SPAG16: variants seen among roughly 807,000 people sequenced by gnomAD.
The protein encoded by SPAG16 is sperm associated antigen 16, also known as sperm-associated antigen 16 protein.
SPAG16 carries 86 observed loss-of-function variants against 80.4 expected under a neutral mutation model. The ratio of observed to expected loss-of-function variants is 1.07; its 90% CI spans 0.90 to 1.28. The LOEUF is 1.28. SPAG16 is among the 50% of genes most tolerant of loss of function. SPAG16 has a pLI of 0.00. For synonymous variants in SPAG16, 294 were observed against 265.9 expected, an observed-to-expected ratio of 1.11 and a Z score of -1.03; for missense variants, 870 against 765.3, an observed-to-expected ratio of 1.14 and a Z score of -1.61.
At chr2:214,057,072 C>T (rs553491635) in intron 13 of SPAG16, among the ~76,000 whole-genome samples, 1 of 152,218 alleles carries the variant, frequency 6.6e-6, no homozygotes, top group East Asian at 1.9e-4. Context: ...TTCTCAAAGA[C>T]ATCCATGAAA....
intron 7 of SPAG16, among the ~76,000 whole-genome samples, chr2:213,361,015 T>G (rs2065948886): frequency 6.6e-6 from 1 of 152,110 alleles, no homozygotes; most frequent in Non-Finnish European, 1.5e-5. Context: ...ACCTATACCT[T>G]GCATAAAGAA....
At chr2:213,626,646 T>G (rs2061971665) in intron 10 of SPAG16, among the ~76,000 whole-genome samples, 1 of 140,048 alleles carries the variant, frequency 7.1e-6, no homozygotes, top group African/African-American at 2.8e-5. Context: ...GCTCAATTTT[T>G]TTTTTTTTTT....
At chr2:213,955,306 T>C (rs1192692266) in intron 12 of SPAG16, among the ~76,000 whole-genome samples, 5 of 152,192 alleles carry the variant, frequency 3.3e-5, no homozygotes. Flanking sequence ...TTTTATGATT[T>C]TGACCTTTAA....
chr2:213,542,786 C>T (rs2076493178), intron 10 of SPAG16, among the ~76,000 whole-genome samples: 1 of 151,766 alleles, frequency 6.6e-6, no homozygotes, highest in South Asian at 2.1e-4. Context: ...TTAGTTTGCT[C>T]AATGCTATAT....
intron 15 of SPAG16, among the ~76,000 whole-genome samples, chr2:214,291,611 A>G (rs1021667677): frequency 1.8e-4 from 27 of 152,212 alleles, no homozygotes; most frequent in African/African-American, 5.1e-4. Flanking sequence ...GGCCTAGATC[A>G]TGTTTCTTTA....
chr2:213,665,341 A>T (rs1015901586), intron 10 of SPAG16, among the ~76,000 whole-genome samples: 1 of 152,100 alleles, frequency 6.6e-6, no homozygotes, highest in African/African-American at 2.4e-5. Flanking sequence ...TTTAATAGCT[A>T]TTATGATATT....
In SPAG16 at chr2:213,370,751, G is replaced by T. The variant is rs147053744; in HGVS notation, c.833-4259G>T. On this transcript the variant is annotated intron_variant, in intron 8 of 15. Coordinates refer to ENST00000331683, the MANE Select transcript of SPAG16 (RefSeq NM_024532.5). ...AACTCCCTTATGAAATTATCTCCTG[G>T]TGTTTAGTCTAATTCATACAAGAAC... Among the ~76,000 whole-genome samples, 566 of 152,218 alleles carry T rather than the reference G, an allele frequency of 3.7e-3. 9 individuals are homozygous for T. Among genetic ancestry groups the T allele is most frequent in the Middle Eastern group, 0.024 (7 of 294 alleles).
chr2:214,206,638 G>C (rs972176066), intron 15 of SPAG16, among the ~76,000 whole-genome samples: 2 of 152,130 alleles, frequency 1.3e-5, no homozygotes, highest in Admixed American at 6.6e-5. Context: ...CATATACCCA[G>C]CAGTGAGATT....
At chr2:213,986,602 CAATT>C (rs1214415063) in intron 12 of SPAG16, among the ~76,000 whole-genome samples, 1 of 151,696 alleles carries the variant, frequency 6.6e-6, no homozygotes, top group Non-Finnish European at 1.5e-5. Flanking sequence ...TACAAAGAAA[CAATT>C]AAAATGATTT....
chr2:213,540,993 G>C (rs535167562), intron 10 of SPAG16, among the ~76,000 whole-genome samples: 2 of 152,254 alleles, frequency 1.3e-5, no homozygotes, highest in South Asian at 4.1e-4. Flanking sequence ...AGGTGCACTC[G>C]TAGAGTTACA....
chr2:214,410,348 C>CT lies in SPAG16; in HGVS notation c.*36dup, dbSNP rs1702231069. On this transcript the variant is annotated 3_prime_UTR_variant, in exon 16 of 16. Transcript: ENST00000331683. ...CACATCCCGCTGCAGAGGGCATTCC[C>CT]TTTAAGGCTTGAAAATGCCTCCTGT... 1 of 1,550,958 alleles carries CT rather than the reference C, an allele frequency of 6.4e-7. No homozygotes were observed. The highest frequency in any genetic ancestry group is 1.4e-5 in the African/African-American group (1 of 73,420).
intron 9 of SPAG16, among the ~76,000 whole-genome samples, chr2:213,447,730 T>C (rs1453353114): frequency 6.6e-6 from 1 of 152,228 alleles, no homozygotes; most frequent in Non-Finnish European, 1.5e-5. Flanking sequence ...GTGCTGTTAG[T>C]AGGAAATAGC....
At chr2:214,377,258 T>A (rs935592203) in intron 15 of SPAG16, among the ~76,000 whole-genome samples, 3 of 152,212 alleles carry the variant, frequency 2.0e-5, no homozygotes, top group Non-Finnish European at 4.4e-5. Context: ...TTCTGCAATA[T>A]CGTAAACCTT....
chr2:213,693,258 C>G (rs1335453769), intron 10 of SPAG16, among the ~76,000 whole-genome samples: 1 of 152,180 alleles, frequency 6.6e-6, no homozygotes, highest in Non-Finnish European at 1.5e-5. Flanking sequence ...GCAATGAGGC[C>G]TAACTGCCAG....
chr2:214,225,391 A>G (rs2058677639), intron 15 of SPAG16, among the ~76,000 whole-genome samples: 1 of 152,172 alleles, frequency 6.6e-6, no homozygotes, highest in African/African-American at 2.4e-5. Flanking sequence ...GTCTATTGTG[A>G]TAACCCAGGG....
rs375031877 is a variant in SPAG16, at chr2:213,350,674, A to G, written c.762+29A>G. On this transcript the variant is annotated intron_variant, in intron 7 of 15. Transcript: ENST00000331683. ...AAGATATAGTCAAAGCTAACTTAAA[A>G]TGATCTTTTAATCATTTTTTTAATA... The G allele has an allele frequency of 6.4e-5, 81 of 1,264,134 alleles. No individual in the cohort carries two copies. In the African/African-American group the frequency reaches 1.2e-3, roughly 18 times the overall value. The allele number at this position is 1,264,134 out of a possible 1,614,324, so 78.3% of individuals were successfully genotyped here.
chr2:213,576,526 A>G (rs898132661), intron 10 of SPAG16, among the ~76,000 whole-genome samples: 4 of 152,180 alleles, frequency 2.6e-5, no homozygotes, highest in Middle Eastern at 3.2e-3. Context: ...ATGCACGCAT[A>G]TGTTCATTGC....
chr2:214,283,951 A>C (rs190561011), intron 15 of SPAG16, among the ~76,000 whole-genome samples: 9 of 152,336 alleles, frequency 5.9e-5, no homozygotes, highest in African/African-American at 1.9e-4. Context: ...TAATTTATTA[A>C]ATAAAGCACA....
At chr2:213,535,807 A>G (rs1448859021) in intron 10 of SPAG16, among the ~76,000 whole-genome samples, 2 of 152,086 alleles carry the variant, frequency 1.3e-5, no homozygotes, top group Non-Finnish European at 2.9e-5. Context: ...TGTAACCTTG[A>G]CCACATTTTT....
Sources: gnomAD v4.1 joint callset for allele counts (sites outside exome capture counted in the v4.1 genomes callset) on GRCh38, gnomAD v4.1.1 for gene constraint, MANE v1.5 for transcripts, NCBI Gene and HGNC (gene_info 2026-07-23, HGNC 2026-07-21) for gene names.